GNA14: variants seen among roughly 807,000 people sequenced by gnomAD.
GNA14 encodes guanine nucleotide-binding protein subunit alpha-14.
GNA14 carries 50 observed loss-of-function variants against 42.0 expected under a neutral mutation model. That is an observed-to-expected ratio of 1.19 (90% confidence interval 0.95 to 1.51). The LOEUF is 1.51. GNA14 is among the 40% of genes most tolerant of loss of function. The pLI is 0.00. For missense variants in GNA14, 473 were observed against 446.2 expected, an observed-to-expected ratio of 1.06 and a Z score of -0.54; for synonymous variants, 173 against 163.1, an observed-to-expected ratio of 1.06 and a Z score of -0.46.
At chr9:77,603,943 CAAAAAAAAAAAACAAAAA>C (rs1823608725) in intron 1 of GNA14, among the ~76,000 whole-genome samples, 4 of 40,202 alleles carry the variant, frequency 9.9e-5, no homozygotes, top group African/African-American at 3.2e-4. Flanking sequence ...GACTCCATCT[CAAAAAAAAAAAACAAAAA>C]AAAAAAAAAA....
At chr9:77,480,381 T>C (rs1836522408) in intron 2 of GNA14, among the ~76,000 whole-genome samples, 1 of 152,224 alleles carries the variant, frequency 6.6e-6, no homozygotes, top group South Asian at 2.1e-4. Context: ...TGAACCAGCC[T>C]TGCATCCCAG....
chr9:77,564,398 G>A (rs1393086935), intron 1 of GNA14, among the ~76,000 whole-genome samples: 1 of 152,026 alleles, frequency 6.6e-6, no homozygotes, highest in Non-Finnish European at 1.5e-5. Flanking sequence ...AGCTTCCCTG[G>A]TGGTTCTGAG....
intron 1 of GNA14, among the ~76,000 whole-genome samples, chr9:77,616,346 G>A (rs889206974): frequency 9.8e-5 from 15 of 152,330 alleles, no homozygotes; most frequent in African/African-American, 3.6e-4. Flanking sequence ...CTAATGGCAT[G>A]GCATGGGCAC....
chr9:77,466,227 C>A (rs1163417446), intron 2 of GNA14, among the ~76,000 whole-genome samples: 2 of 152,178 alleles, frequency 1.3e-5, no homozygotes, highest in African/African-American at 4.8e-5. Flanking sequence ...CTGGTCTTGT[C>A]CTGCATTCCA....
At chr9:77,431,498 A>C (rs1474261172) in intron 3 of GNA14, 49 bp from the exon 4 acceptor site, 2 of 1,553,254 alleles carry the variant, frequency 1.3e-6, no homozygotes, top group East Asian at 4.5e-5. Flanking sequence ...AGCAGGGGGA[A>C]ATGTCCATCC....
At chr9:77,474,404 C>A in intron 2 of GNA14, among the ~76,000 whole-genome samples, 1 of 152,090 alleles carries the variant, frequency 6.6e-6, no homozygotes, top group South Asian at 2.1e-4. Flanking sequence ...TTATCCATGA[C>A]AAGCCTCATT....
chr9:77,542,320 G>C (rs944645602), intron 1 of GNA14, among the ~76,000 whole-genome samples: 1 of 152,202 alleles, frequency 6.6e-6, no homozygotes, highest in African/African-American at 2.4e-5. Context: ...AATGGTGTCT[G>C]TGATTTCCTC....
intron 1 of GNA14, among the ~76,000 whole-genome samples, chr9:77,626,689 A>G (rs148355381): frequency 3.9e-5 from 6 of 152,256 alleles, no homozygotes; most frequent in African/African-American, 1.2e-4. Context: ...TTTGAAAGCA[A>G]TGAGTACACA....
intron 2 of GNA14, among the ~76,000 whole-genome samples, chr9:77,479,630 C>T (rs140986991): frequency 1.2e-3 from 177 of 151,952 alleles, no homozygotes; most frequent in African/African-American, 3.9e-3. Context: ...GCCATTTTCA[C>T]GACCTTGGGC....
chr9:77,643,061 T>A (rs1824293233), intron 1 of GNA14, among the ~76,000 whole-genome samples: 1 of 152,196 alleles, frequency 6.6e-6, no homozygotes, highest in Non-Finnish European at 1.5e-5. Context: ...TTTATGACCA[T>A]CTTCCTCATA....
intron 2 of GNA14, among the ~76,000 whole-genome samples, chr9:77,458,904 A>AGCGGC (rs55765810): frequency 2.2e-5 from 3 of 134,410 alleles, no homozygotes; most frequent in Admixed American, 7.4e-5. Flanking sequence ...CACAAGCTGG[A>AGCGGC]GGGGGGGGGG....
chr9:77,633,348 C>T (rs541145844), intron 1 of GNA14, among the ~76,000 whole-genome samples: 3 of 152,110 alleles, frequency 2.0e-5, no homozygotes, highest in African/African-American at 4.8e-5. Context: ...TTGGCATGTG[C>T]AGAGGCCTAA....
chr9:77,489,243 A>T (rs1294215398), intron 2 of GNA14, among the ~76,000 whole-genome samples: 1 of 152,208 alleles, frequency 6.6e-6, no homozygotes, highest in Non-Finnish European at 1.5e-5. Flanking sequence ...AAAAAAAGAA[A>T]ATAATGAAAA....
intron 5 of GNA14, among the ~76,000 whole-genome samples, 182 bp downstream of exon 5, chr9:77,428,725 A>G (rs1835494781): frequency 6.6e-6 from 1 of 152,192 alleles, no homozygotes; most frequent in African/African-American, 2.4e-5. Context: ...TTGATTCAGT[A>G]AGACTGCATT....
intron 1 of GNA14, among the ~76,000 whole-genome samples, chr9:77,632,016 G>A (rs1193298617): frequency 6.6e-6 from 1 of 152,118 alleles, no homozygotes; most frequent in Non-Finnish European, 1.5e-5. Flanking sequence ...GAGCAGGCAG[G>A]AGCCCTACCC....
chr9:77,545,521 T>C (rs896716206), intron 1 of GNA14, among the ~76,000 whole-genome samples: 1 of 152,246 alleles, frequency 6.6e-6, no homozygotes, highest in Non-Finnish European at 1.5e-5. Flanking sequence ...AGGTCCAGTT[T>C]ATGAATGCGT....
At chr9:77,430,228 T>C (rs944573385) in intron 4 of GNA14, among the ~76,000 whole-genome samples, 3 of 152,094 alleles carry the variant, frequency 2.0e-5, no homozygotes, top group Non-Finnish European at 4.4e-5. Context: ...GCCAGAAATA[T>C]CCCACTGGGA....
intron 2 of GNA14, among the ~76,000 whole-genome samples, chr9:77,513,182 C>A (rs1486071052): frequency 6.6e-6 from 1 of 152,168 alleles, no homozygotes. Flanking sequence ...CCCCCAATCA[C>A]CTCATTTAGC....
intron 1 of GNA14, among the ~76,000 whole-genome samples, chr9:77,550,166 G>T (rs114788919): frequency 4.5e-4 from 68 of 152,236 alleles, no homozygotes; most frequent in Admixed American, 2.5e-3. Context: ...GCAAATGTAC[G>T]GTGCCTCCCT....
Sources: gnomAD v4.1 joint callset for allele counts (sites outside exome capture counted in the v4.1 genomes callset) on GRCh38, gnomAD v4.1.1 for gene constraint, MANE v1.5 for transcripts, NCBI Gene and HGNC (gene_info 2026-07-23, HGNC 2026-07-21) for gene names.